Variants in KCNK1 observed in about 807,000 individuals in gnomAD.
The protein encoded by KCNK1 is potassium two pore domain channel subfamily K member 1.
Under a neutral mutation model 22.2 loss-of-function variants are expected in KCNK1, and 10 were observed. The ratio of observed to expected loss-of-function variants is 0.45; its 90% CI spans 0.28 to 0.76. The LOEUF is 0.76. KCNK1 is among the 30% of genes least tolerant of loss of function. KCNK1 has a pLI of 0.14. For synonymous variants in KCNK1, 200 were observed against 186.4 expected, an observed-to-expected ratio of 1.07 and a Z score of -0.60; for missense variants, 378 against 421.0, an observed-to-expected ratio of 0.90 and a Z score of 0.89.
intron 1 of KCNK1, among the ~76,000 whole-genome samples, chr1:233,618,975 T>C (rs1398549592): frequency 1.3e-5 from 2 of 152,240 alleles, no homozygotes; most frequent in African/African-American, 4.8e-5. Context: ...TGCTGCTTTG[T>C]AAATGTGGGA....
chr1:233,653,182 A>G (rs939878201), intron 1 of KCNK1, among the ~76,000 whole-genome samples: 1 of 152,126 alleles, frequency 6.6e-6, no homozygotes, highest in South Asian at 2.1e-4. Context: ...ATGCTGCTTC[A>G]CCCATTTATT....
At chr1:233,624,614 A>G (rs757132540) in intron 1 of KCNK1, among the ~76,000 whole-genome samples, 1 of 152,160 alleles carries the variant, frequency 6.6e-6, no homozygotes, top group Non-Finnish European at 1.5e-5. Context: ...CTTTTCTGAA[A>G]AATGAAGAAG....
intron 1 of KCNK1, among the ~76,000 whole-genome samples, chr1:233,656,887 G>A (rs1658308755): frequency 6.6e-6 from 1 of 152,108 alleles, no homozygotes; most frequent in South Asian, 2.1e-4. Flanking sequence ...CAAAGTGCTG[G>A]GATTACAGGT....
At chr1:233,666,280 T>C (rs1054597803) in intron 1 of KCNK1, among the ~76,000 whole-genome samples, 1 of 152,092 alleles carries the variant, frequency 6.6e-6, no homozygotes, top group South Asian at 2.1e-4. Flanking sequence ...CTAAGATGGG[T>C]GTGGGCCTTA....
chr1:233,632,145 AT>A (rs1657808872), intron 1 of KCNK1, among the ~76,000 whole-genome samples: 1 of 152,232 alleles, frequency 6.6e-6, no homozygotes, highest in Non-Finnish European at 1.5e-5. Context: ...AAAGCTTCTT[AT>A]CATGGGCTAA....
intron 1 of KCNK1, among the ~76,000 whole-genome samples, chr1:233,628,782 A>AATAATAATAATAATAAT (rs1455727352): frequency 6.6e-6 from 1 of 151,854 alleles, no homozygotes; most frequent in African/African-American, 2.4e-5. Context: ...TAATAATAAT[A>AATAATAATAATAATAAT]AATTTTAAAA....
At chr1:233,642,626 G>A (rs1205055452) in intron 1 of KCNK1, among the ~76,000 whole-genome samples, 10 of 152,236 alleles carry the variant, frequency 6.6e-5, no homozygotes, top group African/African-American at 1.9e-4. Context: ...AGGACCTGCA[G>A]GATCTGCCCT....
intron 1 of KCNK1, among the ~76,000 whole-genome samples, chr1:233,619,212 G>A (rs1013460704): frequency 3.3e-5 from 5 of 151,806 alleles, no homozygotes; most frequent in African/African-American, 4.8e-5. Flanking sequence ...TTTGGAGAGC[G>A]TGGTCTTGCT....
intron 1 of KCNK1, among the ~76,000 whole-genome samples, chr1:233,657,166 A>T (rs780106830): frequency 1.4e-4 from 21 of 152,140 alleles, no homozygotes; most frequent in African/African-American, 3.9e-4. Context: ...GATGAGTTTA[A>T]TTTAGCTTGG....
chr1:233,670,626 G>A (rs778999820), intron 2 of KCNK1, among the ~76,000 whole-genome samples: 13 of 152,078 alleles, frequency 8.5e-5, no homozygotes, highest in Non-Finnish European at 1.6e-4. Context: ...ATCAGATCTC[G>A]TGAGACTTAT....
At chr1:233,634,034 G>A (rs1231324910) in intron 1 of KCNK1, among the ~76,000 whole-genome samples, 3 of 152,074 alleles carry the variant, frequency 2.0e-5, no homozygotes, top group Admixed American at 1.3e-4. Flanking sequence ...TGGGCCGGGC[G>A]CAGTGGCTTA....
Position 233,616,127 on chromosome 1 carries a change from G to T in KCNK1, c.355+1601G>T, listed in dbSNP as rs548050148. Among the ~76,000 whole-genome samples, 7 of 152,046 alleles carry T rather than the reference G, an allele frequency of 4.6e-5. No homozygotes were observed. In the East Asian group the frequency reaches 1.3e-3, roughly 29 times the overall value. ...CATGCCTTTCCTTTGGAGTATATTT[G>T]TGCTATATTGAGAGTCATTCATTCT... On this transcript the variant is annotated intron_variant, in intron 1 of 2. Transcript: ENST00000366621.
intron 1 of KCNK1, among the ~76,000 whole-genome samples, chr1:233,636,304 C>T (rs566570780): frequency 1.1e-4 from 16 of 152,042 alleles, no homozygotes; most frequent in Non-Finnish European, 1.9e-4. Context: ...AGGCTGGGGC[C>T]GATCAGGGAG....
intron 1 of KCNK1, among the ~76,000 whole-genome samples, chr1:233,617,597 A>G (rs1657507328): frequency 6.6e-6 from 1 of 152,166 alleles, no homozygotes; most frequent in Non-Finnish European, 1.5e-5. Flanking sequence ...TGTGTAGACG[A>G]ATGATTGGAG....
chr1:233,670,204 T>C (rs979474879), intron 2 of KCNK1, among the ~76,000 whole-genome samples: 2 of 152,224 alleles, frequency 1.3e-5, no homozygotes, highest in African/African-American at 4.8e-5. Context: ...CAATACATTT[T>C]ACTTGAGTCA....
chr1:233,643,789 C>T (rs1047899548), intron 1 of KCNK1, among the ~76,000 whole-genome samples: 7 of 152,142 alleles, frequency 4.6e-5, no homozygotes, highest in Non-Finnish European at 1.0e-4. Context: ...CCTGTCCACC[C>T]CTCTACCCGA....
chr1:233,616,314 T>C (rs1370909189), intron 1 of KCNK1, among the ~76,000 whole-genome samples: 13 of 152,208 alleles, frequency 8.5e-5, no homozygotes, highest in Admixed American at 8.5e-4. Flanking sequence ...AAAGGTTTGC[T>C]TTTATCTGGG....
intron 1 of KCNK1, among the ~76,000 whole-genome samples, chr1:233,659,771 T>C (rs1281987323): frequency 1.3e-5 from 2 of 152,110 alleles, no homozygotes; most frequent in African/African-American, 4.8e-5. Flanking sequence ...GGCCCATTAT[T>C]GACTGAAACG....
chr1:233,618,883 A>G (rs1657530528), intron 1 of KCNK1, among the ~76,000 whole-genome samples: 1 of 152,192 alleles, frequency 6.6e-6, no homozygotes, highest in African/African-American at 2.4e-5. Context: ...ACTCCATCTC[A>G]AAAAAACAAA....
Sources: gnomAD v4.1 joint callset for allele counts (sites outside exome capture counted in the v4.1 genomes callset) on GRCh38, gnomAD v4.1.1 for gene constraint, MANE v1.5 for transcripts, NCBI Gene and HGNC (gene_info 2026-07-23, HGNC 2026-07-21) for gene names.